RORA: variants seen among roughly 807,000 people sequenced by gnomAD.
RORA encodes RAR related orphan receptor A.
RORA carries 7 observed loss-of-function variants against 69.5 expected under a neutral mutation model. The ratio of observed to expected loss-of-function variants is 0.10; its 90% confidence interval spans 0.06 to 0.19. The LOEUF (loss-of-function observed/expected upper bound fraction) is 0.19, where lower values mean the gene tolerates loss of function less well. Ranked by LOEUF, RORA falls within the 10% of genes least tolerant of loss-of-function variation. RORA has a pLI of 1.00. For missense variants in RORA, 457 were observed against 663.0 expected (o/e 0.69, Z 3.41); for synonymous variants, 261 against 240.8 (o/e 1.08, Z -0.78).
chr15:61,147,637 A>G lies in RORA; in HGVS notation c.166+81416T>C, dbSNP rs2079361145. Among the ~76,000 whole-genome samples the G allele has an allele frequency of 6.6e-6, 1 of 152,226 alleles. No homozygotes were observed. Among genetic ancestry groups the G allele is most frequent in the Non-Finnish European group, 1.5e-5 (1 of 68,044 alleles). On this transcript the variant is annotated intron_variant, in intron 1 of 10. Coordinates refer to ENST00000335670, the MANE Select transcript of RORA (RefSeq NM_134261.3). The surrounding 1 kb of genome is among the most constrained non-coding windows in gnomAD (Gnocchi z 4.1). ...GAAAAGGAGTGTAGGAAGAAGAGTAAGTAAACAAGAGGCTTGCTTGACCAG... is the reference window on the plus strand; with the variant it reads ...GAAAAGGAGTGTAGGAAGAAGAGTAGGTAAACAAGAGGCTTGCTTGACCAG...
chr15:61,189,957 T>C (rs760972735), intron 1 of RORA, among the ~76,000 whole-genome samples: 16 of 148,866 alleles, frequency 1.1e-4, no homozygotes, highest in Non-Finnish European at 2.1e-4. Flanking sequence ...ACAACCTACA[T>C]GTTTGTCAAT....
At chr15:61,040,148 ATATATATATATATAT>A (rs1896684092) in intron 1 of RORA, among the ~76,000 whole-genome samples, 1 of 111,706 alleles carries the variant, frequency 9.0e-6, no homozygotes, top group Non-Finnish European at 1.9e-5. Context: ...ATATATATAT[ATATATATATATATAT>A]AAAATATATG....
At chr15:60,796,062 G>C (rs2072490777) in intron 1 of RORA, among the ~76,000 whole-genome samples, 1 of 152,226 alleles carries the variant, frequency 6.6e-6, no homozygotes. Context: ...GAAGTGCAAA[G>C]TGAATGTGTG....
chr15:60,923,030 C>T (rs927322442), intron 1 of RORA, among the ~76,000 whole-genome samples: 6 of 152,124 alleles, frequency 3.9e-5, no homozygotes, highest in South Asian at 2.1e-4. Flanking sequence ...ATAAACATAC[C>T]GCCCAAATTA....
intron 2 of RORA, among the ~76,000 whole-genome samples, chr15:60,566,190 A>G (rs1336574738): frequency 1.3e-5 from 2 of 152,216 alleles, no homozygotes; most frequent in African/African-American, 4.8e-5. Flanking sequence ...AGTTCAAAGA[A>G]TAGTATTTTA....
At chr15:61,143,938 G>A (rs1015212371) in intron 1 of RORA, among the ~76,000 whole-genome samples, 6 of 152,256 alleles carry the variant, frequency 3.9e-5, no homozygotes, top group Middle Eastern at 3.4e-3. Flanking sequence ...CATTGCATTC[G>A]AAATTTCTGA....
In RORA at chr15:60,672,567, C is replaced by T. The variant is rs1027046682; in HGVS notation, c.196+6090G>A. ...TAGTTAATGTTGATACTGGAGATAA[C>T]GGTGTGGCTCTTATGTGTGCACAAG... On this transcript the variant is annotated intron_variant, in intron 2 of 10. Coordinates refer to ENST00000335670, the MANE Select transcript of RORA (RefSeq NM_134261.3). 3.3e-4 allele frequency among the ~76,000 whole-genome samples: 51 copies of T among 152,312 alleles called. 1 individual carries two copies. Among genetic ancestry groups the T allele is most frequent in the Admixed American group, 3.1e-3 (48 of 15,300 alleles).
At chr15:60,977,740 C>T (rs8032372) in intron 1 of RORA, among the ~76,000 whole-genome samples, 2 of 152,038 alleles carry the variant, frequency 1.3e-5, no homozygotes, top group South Asian at 4.1e-4. Context: ...GCTTCTTTCT[C>T]TTAGCATAAT....
chr15:61,076,029 T>C (rs2078444214), intron 1 of RORA, among the ~76,000 whole-genome samples: 1 of 152,176 alleles, frequency 6.6e-6, no homozygotes, highest in African/African-American at 2.4e-5. Flanking sequence ...CAAAGCTTAG[T>C]CCCCGCCCTC....
intron 2 of RORA, among the ~76,000 whole-genome samples, chr15:60,533,540 G>A (rs2066590845): frequency 6.6e-6 from 1 of 152,180 alleles, no homozygotes; most frequent in African/African-American, 2.4e-5. Flanking sequence ...CTTCCATTAT[G>A]TTTAATATAG....
intron 1 of RORA, among the ~76,000 whole-genome samples, chr15:60,830,512 A>C (rs17270508): frequency 0.059 from 8,929 of 152,290 alleles, 343 homozygotes; most frequent in Admixed American, 0.11. Context: ...TCGATTCTTA[A>C]CTAAGGCAGA....
chr15:60,807,361 C>A (rs568249425), intron 1 of RORA, among the ~76,000 whole-genome samples: 25 of 152,140 alleles, frequency 1.6e-4, no homozygotes, highest in African/African-American at 3.9e-4. Flanking sequence ...TAGGAATATA[C>A]CTAACCAAGA....
chr15:61,114,941 T>C (rs1326656126), intron 1 of RORA, among the ~76,000 whole-genome samples: 1 of 152,232 alleles, frequency 6.6e-6, no homozygotes, highest in African/African-American at 2.4e-5. Context: ...TTTTAACCTA[T>C]TCATTTAAAA....
At chr15:61,198,612 T>C (rs775125654) in intron 1 of RORA, among the ~76,000 whole-genome samples, 5 of 109,746 alleles carry the variant, frequency 4.6e-5, no homozygotes, top group Non-Finnish European at 5.7e-5. Context: ...TCTAAAACGA[T>C]ATTTCTTTGA....
intron 1 of RORA, among the ~76,000 whole-genome samples, chr15:60,883,818 G>T: frequency 6.6e-6 from 1 of 152,296 alleles, no homozygotes; most frequent in African/African-American, 2.4e-5. Flanking sequence ...TATACGAAAG[G>T]GTGTTGAGTA....
chr15:61,209,268 C>CA (rs10710980), intron 1 of RORA, among the ~76,000 whole-genome samples: 39 of 145,320 alleles, frequency 2.7e-4, no homozygotes, highest in East Asian at 1.4e-3. Context: ...TGTTGAATTA[C>CA]AAAAAAAAAA....
intron 1 of RORA, among the ~76,000 whole-genome samples, chr15:60,786,493 G>C (rs1299569557): frequency 6.6e-6 from 1 of 152,236 alleles, no homozygotes; most frequent in Non-Finnish European, 1.5e-5. Flanking sequence ...GCTGGGCCAA[G>C]TTGGGGGCAC....
chr15:60,956,636 G>A (rs1000833280), intron 1 of RORA, among the ~76,000 whole-genome samples: 1 of 152,188 alleles, frequency 6.6e-6, no homozygotes, highest in Admixed American at 6.5e-5. Flanking sequence ...TGCAAGTAAC[G>A]ATAATAGCTG....
chr15:60,765,521 C>A (rs7179342), intron 1 of RORA: 9,015 of 152,180 alleles, frequency 0.059, 905 homozygotes, highest in African/African-American at 0.21. Context: ...ACCCCACAAT[C>A]AAGGCCTTGC....
Sources: gnomAD v4.1 joint callset for allele counts (sites outside exome capture counted in the v4.1 genomes callset) on GRCh38, gnomAD v4.1.1 for gene constraint, Gnocchi (gnomAD v3.1) non-coding constraint, MANE v1.5 for transcripts, NCBI Gene and HGNC (gene_info 2026-07-23, HGNC 2026-07-21) for gene names.